The following REPS1 variants were observed in gnomAD, a reference collection of about 807,000 sequenced individuals.
REPS1 encodes RALBP1 associated Eps domain containing 1, also known as ralBP1-associated Eps domain-containing protein 1.
In REPS1, 39 loss-of-function variants were observed where a neutral mutation model predicts 100.9. That is an observed-to-expected ratio of 0.39 (90% CI 0.30 to 0.50). The LOEUF is 0.50. Ranked by LOEUF, REPS1 falls within the 20% of genes least tolerant of loss-of-function variation. The pLI, the probability that REPS1 is intolerant of heterozygous loss-of-function variation, is 0.86. For missense variants in REPS1, 821 were observed against 968.5 expected (o/e 0.85, Z 2.02); for synonymous variants, 324 against 340.3 (o/e 0.95, Z 0.53).
rs1554292164 is a variant in REPS1, at chr6:138,947,035, G to GCTCTCTCTCTCTCTTGCTCT, written c.277+754_277+755insAGAGCAAGAGAGAGAGAGAG. ...TAAATGTCTGTGGCTATTCCCCCTT[G>GCTCTCTCTCTCTCTTGCTCT]CTCTCTCTCTCTCTCTCTCTCTCTC... On this transcript the variant is annotated intron_variant, in intron 2 of 19. Transcript: ENST00000450536. Among the ~76,000 whole-genome samples, 229 of 137,686 alleles carry GCTCTCTCTCTCTCTTGCTCT rather than the reference G, an allele frequency of 1.7e-3. 1 individual carries two copies. The highest frequency in any genetic ancestry group is 5.8e-3 in the African/African-American group (205 of 35,478). The allele number at this position is 137,686 out of a possible 152,430, so 90.3% of individuals were successfully genotyped here.
intron 1 of REPS1, among the ~76,000 whole-genome samples, chr6:138,975,929 G>T (rs745655346): frequency 6.6e-6 from 1 of 152,202 alleles, no homozygotes; most frequent in Non-Finnish European, 1.5e-5. Context: ...CAAAAGATGA[G>T]AAGTTAATAA....
chr6:138,983,528 G>A (rs1020944235), intron 1 of REPS1, among the ~76,000 whole-genome samples: 1 of 152,104 alleles, frequency 6.6e-6, no homozygotes, highest in Non-Finnish European at 1.5e-5. Flanking sequence ...AATCAAATGA[G>A]TTCTTCCATG....
At chr6:138,953,057 G>A (rs1033660563) in intron 1 of REPS1, among the ~76,000 whole-genome samples, 3 of 151,802 alleles carry the variant, frequency 2.0e-5, no homozygotes, top group Admixed American at 1.3e-4. Context: ...GGCTGGTCTC[G>A]AACTCCTGAC....
chr6:138,945,600 C>A lies in REPS1; in HGVS notation c.375G>T (p.Ser125=). The change falls in exon 3 of 20, where the codon TCG becomes TCT. Residue 125 remains serine, a synonymous_variant. Coordinates refer to ENST00000450536, the MANE Select transcript of REPS1 (RefSeq NM_001286611.2). ...SYSSDSENQG[S]YSGVIPPPPG... ...GTGGTGGGGGAATTACACCAGAATACGACCCTTGATTTTCAGAATCTGAAG... is the reference window on the plus strand; with the variant it reads ...GTGGTGGGGGAATTACACCAGAATAAGACCCTTGATTTTCAGAATCTGAAG... 1 of 1,613,546 alleles carries A rather than the reference C, an allele frequency of 6.2e-7. No homozygotes were observed. The highest frequency in any genetic ancestry group is 2.2e-5 in the East Asian group (1 of 44,858).
chr6:138,953,683 A>C (rs1367203270), intron 1 of REPS1, among the ~76,000 whole-genome samples: 1 of 23,584 alleles, frequency 4.2e-5, no homozygotes, highest in African/African-American at 1.0e-3. Context: ...GCTATTATCA[A>C]AAAAAAAAAA....
intron 10 of REPS1, among the ~76,000 whole-genome samples, chr6:138,921,631 C>T (rs1317279167): frequency 8.5e-6 from 1 of 117,714 alleles, no homozygotes. Context: ...GGCTGGAGTA[C>T]AGTGGCGTGA....
intron 12 of REPS1, among the ~76,000 whole-genome samples, chr6:138,919,507 T>C (rs1023121727): frequency 1.2e-4 from 18 of 152,260 alleles, no homozygotes; most frequent in Admixed American, 2.0e-4. Context: ...CTCCTGTTAC[T>C]ATCCTACCAC....
At chr6:138,928,635 C>T (rs561817469) in intron 9 of REPS1, 13 of 152,160 alleles carry the variant, frequency 8.5e-5, no homozygotes, top group South Asian at 2.1e-4. Flanking sequence ...TGATCACATA[C>T]GATTTTATTT....
chr6:138,955,457 A>AATTGTGTGTGTGTGT (rs10689184), intron 1 of REPS1, among the ~76,000 whole-genome samples: 1 of 90,720 alleles, frequency 1.1e-5, no homozygotes, highest in Non-Finnish European at 2.0e-5. Flanking sequence ...AAAAAAAAAA[A>AATTGTGTGTGTGTGT]GTGTGTGTGT....
Position 138,915,987 on chromosome 6 carries a change from C to T in REPS1, c.1602-11G>A, listed in dbSNP as rs770572562. Reference sequence around the variant, plus strand: ...GTTCCTGAATGAGACCTGCAAAATTCACCCCATGATAATTGGTCATACTAC... The same window carrying T: ...GTTCCTGAATGAGACCTGCAAAATTTACCCCATGATAATTGGTCATACTAC... On this transcript the variant is annotated splice_polypyrimidine_tract_variant and intron_variant, in intron 13 of 19. Transcript: ENST00000450536. 8 of 1,588,158 alleles carry T rather than the reference C, an allele frequency of 5.0e-6. No homozygotes were observed. The highest frequency in any genetic ancestry group is 4.0e-5 in the African/African-American group (3 of 74,306).
intron 1 of REPS1, chr6:138,951,005 T>C (rs1018441257): frequency 6.6e-6 from 1 of 152,072 alleles, no homozygotes. Context: ...CTGACCAACA[T>C]GAAGAAACCC....
In REPS1 at chr6:138,945,657, A is replaced by T. The variant is rs1191435620; in HGVS notation, c.318T>A (p.Asn106Lys). The T allele has an allele frequency of 6.2e-7, 1 of 1,611,262 alleles. No homozygotes were observed. Among genetic ancestry groups the T allele is most frequent in the Admixed American group, 1.7e-5 (1 of 59,342 alleles). ...LPLPRFVASKNEQESRHAASY... is the reference protein window; with the variant it reads ...LPLPRFVASKKEQESRHAASY... The stretch of plus-strand genomic sequence containing the variant: ...AGGCTGCATGGCGAGATTCCTGTTC[A>T]TTCTTTGAAGCAACAAATCTTGGCA... The change falls in exon 3 of 20, where the codon AAT becomes AAA. Residue 106 changes from asparagine (N) to lysine (K), a missense_variant. Around this residue, in one of 3 missense-constraint regions of REPS1, gnomAD observed 757 missense variants for 866.4 expected, o/e 0.87. Coordinates refer to ENST00000450536, the MANE Select transcript of REPS1 (RefSeq NM_001286611.2).
chr6:138,938,566 G>A (rs1392986585), intron 8 of REPS1, among the ~76,000 whole-genome samples: 1 of 152,106 alleles, frequency 6.6e-6, no homozygotes, highest in East Asian at 1.9e-4. Context: ...AAAGTTGTAT[G>A]TTTTGAGCAT....
At chr6:138,911,710 AGAG>A (rs1780019645) in intron 16 of REPS1, among the ~76,000 whole-genome samples, 1 of 150,426 alleles carries the variant, frequency 6.6e-6, no homozygotes, top group African/African-American at 2.5e-5. Context: ...TGTGTGAGGG[AGAG>A]GAGGACGGGG....
In REPS1 at chr6:138,943,535, T is replaced by C; in HGVS notation, c.958A>G (p.Ile320Val). The stretch of plus-strand genomic sequence containing the variant: ...TACCAAATATGAGAAAGTTCAAGAA[T>C]AGGAAGTTTTGATTTTGTAAAAAAC... ...KEFFTKSKLP[I>V]LELSHIWELS... is the part of the protein sequence containing the mutation. Residue 320 changes from isoleucine (I) to valine (V), a missense_variant, in exon 7 of 20, where the codon ATT becomes GTT. Around this residue, in one of 3 missense-constraint regions of REPS1, gnomAD observed 757 missense variants for 866.4 expected, o/e 0.87. Transcript: ENST00000450536. 1 of 1,589,572 alleles carries C rather than the reference T, an allele frequency of 6.3e-7. No individual in the cohort carries two copies. Among genetic ancestry groups the C allele is most frequent in the Non-Finnish European group, 8.6e-7 (1 of 1,158,912 alleles).
intron 8 of REPS1, among the ~76,000 whole-genome samples, chr6:138,930,465 T>G (rs1781420210): frequency 6.6e-6 from 1 of 152,222 alleles, no homozygotes; most frequent in Non-Finnish European, 1.5e-5. Context: ...TAAGGTGGCT[T>G]TGAAAAATTA....
At chr6:138,981,312 T>G (rs1437448331) in intron 1 of REPS1, among the ~76,000 whole-genome samples, 2 of 152,202 alleles carry the variant, frequency 1.3e-5, no homozygotes, top group African/African-American at 4.8e-5. Context: ...GTCTTAGAAT[T>G]TATCAAATCT....
At chr6:138,909,338 T>G (rs1779859855) in intron 17 of REPS1, among the ~76,000 whole-genome samples, 1 of 152,248 alleles carries the variant, frequency 6.6e-6, no homozygotes, top group Non-Finnish European at 1.5e-5. Flanking sequence ...ATTATGAATC[T>G]GCCCTTGGCA....
intron 1 of REPS1, among the ~76,000 whole-genome samples, chr6:138,985,763 T>C (rs966076802): frequency 3.3e-5 from 5 of 152,238 alleles, no homozygotes; most frequent in African/African-American, 1.2e-4. Context: ...TAACTTGCAC[T>C]GAATTAAACA....
Sources: allele counts gnomAD v4.1 joint callset (sites outside exome capture counted in the v4.1 genomes callset), GRCh38; gene constraint gnomAD v4.1.1; regional missense constraint gnomAD v4.1.1; transcripts MANE v1.5; gene names NCBI Gene and HGNC (gene_info 2026-07-23, HGNC 2026-07-21).